OPCML: variants seen among roughly 807,000 people sequenced by gnomAD.
The protein encoded by OPCML is opioid binding protein/cell adhesion molecule like, also known as opioid-binding protein/cell adhesion molecule.
OPCML carries 13 observed loss-of-function variants against 37.8 expected under a neutral mutation model. The observed-to-expected ratio is 0.34, with a 90% CI of 0.22 to 0.55. The LOEUF is 0.55. OPCML is among the 20% of genes least tolerant of loss of function. The pLI is 0.91. For synonymous variants in OPCML, 176 were observed against 168.8 expected (o/e 1.04, Z -0.33); for missense variants, 341 against 435.6 (o/e 0.78, Z 1.93).
chr11:133,417,896 C>T (rs1945802645), intron 1 of OPCML, among the ~76,000 whole-genome samples: 1 of 151,692 alleles, frequency 6.6e-6, no homozygotes, highest in Admixed American at 6.6e-5. Context: ...TTCAGAAAAG[C>T]AGGTAAATGC....
intron 2 of OPCML, among the ~76,000 whole-genome samples, chr11:132,803,957 T>C (rs1938842588): frequency 6.6e-6 from 1 of 152,242 alleles, no homozygotes; most frequent in African/African-American, 2.4e-5. Flanking sequence ...AGAAACGTTA[T>C]TATTCCTGAT....
intron 2 of OPCML, among the ~76,000 whole-genome samples, chr11:132,704,310 T>C (rs1297270545): frequency 6.6e-6 from 1 of 151,962 alleles, no homozygotes; most frequent in Non-Finnish European, 1.5e-5. Flanking sequence ...CAAAGAAAAA[T>C]TAGGGTTAAA....
intron 3 of OPCML, among the ~76,000 whole-genome samples, chr11:132,571,463 G>T (rs2096438278): frequency 1.3e-5 from 2 of 152,110 alleles, no homozygotes; most frequent in African/African-American, 4.8e-5. Flanking sequence ...AACCACCATT[G>T]CAGTGTTTGC....
intron 3 of OPCML, among the ~76,000 whole-genome samples, chr11:132,531,779 C>G (rs1324000510): frequency 3.6e-4 from 51 of 143,426 alleles, no homozygotes; most frequent in African/African-American, 1.2e-3. Flanking sequence ...CCTATATTTT[C>G]TAGCTTGTTA....
In OPCML at chr11:133,497,637, C is replaced by T. The variant is rs938622980; in HGVS notation, c.61+34627G>A. ...AGCATTTCTCCTTTGGGCCCTCATG[C>T]CTCTGGCTTTGAGTATGCGTACAGA... On this transcript the variant is annotated intron_variant, in intron 1 of 7. Transcript: ENST00000524381. 5.3e-5 allele frequency among the ~76,000 whole-genome samples: 8 copies of T among 152,132 alleles called. 1 individual carries two copies. In the South Asian group the frequency reaches 8.3e-4, roughly 16 times the overall value.
chr11:133,422,755 T>C, intron 1 of OPCML: 2 of 928,762 alleles, frequency 2.2e-6, no homozygotes, highest in Non-Finnish European at 2.6e-6. Context: ...TCAAAAATAA[T>C]GTATTAATAA....
At chr11:132,861,467 G>A (rs2725441) in intron 2 of OPCML, among the ~76,000 whole-genome samples, 43,925 of 152,122 alleles carry the variant, frequency 0.29, 6,959 homozygotes, top group African/African-American at 0.42. Flanking sequence ...ATATACATAT[G>A]TACTTGCATC....
At chr11:132,631,339 AT>A (rs1940095072) in intron 3 of OPCML, among the ~76,000 whole-genome samples, 5 of 107,464 alleles carry the variant, frequency 4.7e-5, no homozygotes, top group Admixed American at 3.7e-4. Flanking sequence ...AAAGAAAAAA[AT>A]AACCATATAT....
chr11:133,162,054 T>C (rs1411390201), intron 1 of OPCML, among the ~76,000 whole-genome samples: 1 of 137,478 alleles, frequency 7.3e-6, no homozygotes. Flanking sequence ...GACCACTTCC[T>C]CAACCACTGA....
At chr11:133,489,197 C>T (rs1947598204) in intron 1 of OPCML, among the ~76,000 whole-genome samples, 1 of 151,846 alleles carries the variant, frequency 6.6e-6, no homozygotes, top group South Asian at 2.1e-4. Context: ...TTCCCAAAAG[C>T]AACTTCAGCA....
chr11:132,642,786 C>T (rs1940929299), intron 3 of OPCML, among the ~76,000 whole-genome samples: 1 of 152,182 alleles, frequency 6.6e-6, no homozygotes, highest in African/African-American at 2.4e-5. Flanking sequence ...TTGAGTAAAT[C>T]ATTTCAGGTC....
intron 4 of OPCML, among the ~76,000 whole-genome samples, chr11:132,474,002 T>C (rs1398764283): frequency 6.6e-6 from 1 of 151,966 alleles, no homozygotes; most frequent in African/African-American, 2.4e-5. Context: ...AGGCCTCAGG[T>C]ATGTAGCTGA....
chr11:132,547,601 C>G (rs1456409610), intron 3 of OPCML, among the ~76,000 whole-genome samples: 1 of 152,152 alleles, frequency 6.6e-6, no homozygotes, highest in Non-Finnish European at 1.5e-5. Context: ...AAGCCCTCAT[C>G]AGATTTATTA....
chr11:133,178,916 TTA>T (rs1300352979), intron 1 of OPCML, among the ~76,000 whole-genome samples: 1 of 152,182 alleles, frequency 6.6e-6, no homozygotes, highest in Admixed American at 6.5e-5. Context: ...TATTTTGGAT[TTA>T]TGATTGTTTT....
At chr11:133,425,745 C>T (rs893770892) in intron 1 of OPCML, among the ~76,000 whole-genome samples, 2 of 152,082 alleles carry the variant, frequency 1.3e-5, no homozygotes, top group African/African-American at 4.8e-5. Flanking sequence ...TCTTAAAGTG[C>T]TTATTATAAA....
At chr11:132,480,990 T>G (rs933239240) in intron 4 of OPCML, among the ~76,000 whole-genome samples, 1 of 152,032 alleles carries the variant, frequency 6.6e-6, no homozygotes, top group South Asian at 2.1e-4. Flanking sequence ...GCTAACATCA[T>G]AACGACAGGA....
chr11:132,896,724 C>T (rs1327728873), intron 2 of OPCML, among the ~76,000 whole-genome samples: 1 of 152,210 alleles, frequency 6.6e-6, no homozygotes, highest in Non-Finnish European at 1.5e-5. Flanking sequence ...TAACCTTATG[C>T]TGATCAGACC....
rs190905848 is a variant in OPCML at position 132,768,746 on chromosome 11, T to C, written c.147-111427A>G. Among the ~76,000 whole-genome samples the C allele has an allele frequency of 2.0e-5, 3 of 152,120 alleles. 1 individual carries two copies. The highest frequency in any genetic ancestry group is 1.9e-4 in the East Asian group (1 of 5,142). On this transcript the variant is annotated intron_variant, in intron 2 of 7. Coordinates refer to ENST00000524381, the MANE Select transcript of OPCML (RefSeq NM_001012393.5). ...TGAATAAAAGAAGGAAAACGAAGCA[T>C]ACACCCTCTGCTCTGAGTGCCAGCC... is the stretch of plus-strand genomic sequence containing the variant.
At chr11:133,165,440 G>A (rs184696850) in intron 1 of OPCML, among the ~76,000 whole-genome samples, 6 of 152,236 alleles carry the variant, frequency 3.9e-5, no homozygotes, top group Admixed American at 1.3e-4. Context: ...TTGTTTCAAC[G>A]AAGGGTTCCT....
Sources: gnomAD v4.1 joint callset for allele counts (sites outside exome capture counted in the v4.1 genomes callset) on GRCh38, gnomAD v4.1.1 for gene constraint, MANE v1.5 for transcripts, NCBI Gene and HGNC (gene_info 2026-07-23, HGNC 2026-07-21) for gene names.